Variants in ANOS1 observed in about 807,000 individuals in gnomAD.
ANOS1 encodes the protein anosmin-1.
Under a neutral mutation model 59.0 loss-of-function variants are expected in ANOS1, and 6 were observed. That is an observed-to-expected ratio of 0.10 (90% CI 0.06 to 0.20). The LOEUF (loss-of-function observed/expected upper bound fraction) is 0.20, where lower values mean the gene tolerates loss of function less well. Among genes scored for constraint, ANOS1 ranks in the 10% least tolerant of loss-of-function variants. The pLI is 1.00. For missense variants in ANOS1, 433 were observed against 542.3 expected (o/e 0.80, Z 2.00); for synonymous variants, 217 against 223.4 (o/e 0.97, Z 0.25).
intron 2 of ANOS1, among the ~76,000 whole-genome samples, chrX:8,679,793 C>T (rs887912364): frequency 1.8e-5 from 2 of 111,348 alleles, no homozygotes; most frequent in African/African-American, 6.5e-5. Context: ...CGCGGTGGCT[C>T]ACCAGTTGCA....
At chrX:8,725,212 G>C (rs1224304197) in intron 1 of ANOS1, among the ~76,000 whole-genome samples, 1 of 110,970 alleles carries the variant, frequency 9.0e-6, no homozygotes, top group Non-Finnish European at 1.9e-5. Context: ...AAAATGGTAT[G>C]AGAGTCAGGT....
chrX:8,654,851 G>GA (rs1452575929), intron 2 of ANOS1, among the ~76,000 whole-genome samples: 1 of 111,453 alleles, frequency 9.0e-6, no homozygotes, highest in African/African-American at 3.3e-5. Context: ...TCAAATGGTT[G>GA]AAAAAAAATA....
chrX:8,724,461 G>A (rs764171080), intron 1 of ANOS1, among the ~76,000 whole-genome samples: 3 of 112,455 alleles, frequency 2.7e-5, no homozygotes, highest in South Asian at 3.7e-4. Flanking sequence ...GATCCCATGC[G>A]ATGCTTTTGG....
intron 2 of ANOS1, among the ~76,000 whole-genome samples, chrX:8,667,690 C>T (rs1488877431): frequency 1.8e-5 from 2 of 111,058 alleles, no homozygotes; most frequent in African/African-American, 3.3e-5. Flanking sequence ...TATCATCAGC[C>T]GTATGGGGGT....
chrX:8,659,185 C>T (rs1931984138), intron 2 of ANOS1, among the ~76,000 whole-genome samples: 2 of 109,248 alleles, frequency 1.8e-5, no homozygotes, highest in African/African-American at 6.7e-5. Context: ...CAAGATCGTG[C>T]CATTGCACTC....
intron 2 of ANOS1, among the ~76,000 whole-genome samples, chrX:8,659,158 C>T (rs1168306972): frequency 1.1e-4 from 12 of 109,209 alleles, no homozygotes; most frequent in African/African-American, 3.3e-4. Flanking sequence ...ACCCGGGAGG[C>T]GGAGGTTGCA....
chrX:8,651,148 G>A (rs988427686), intron 2 of ANOS1, among the ~76,000 whole-genome samples: 9 of 112,160 alleles, frequency 8.0e-5, no homozygotes, highest in Non-Finnish European at 1.5e-4. Context: ...CGCTGAGGGC[G>A]GCCAAGCCAC....
intron 4 of ANOS1, among the ~76,000 whole-genome samples, chrX:8,594,697 T>TATACAC (rs1247233512): frequency 2.7e-4 from 5 of 18,553 alleles, no homozygotes; most frequent in East Asian, 1.5e-3. Context: ...TATATATATA[T>TATACAC]ACACATATAT....
rs1931220078 is a variant in ANOS1 at position 8,618,768 on chromosome X, G to A, written c.318+4840C>T. Among the ~76,000 whole-genome samples the A allele has an allele frequency of 3.6e-5, 4 of 112,125 alleles. No individual in the cohort carries two copies. In the Admixed American group the frequency reaches 3.8e-4, roughly 11 times the overall value. On this transcript the variant is annotated intron_variant, in intron 3 of 13. Coordinates refer to ENST00000262648, the MANE Select transcript of ANOS1 (RefSeq NM_000216.4). ...AAAAAAAGTTTGTCATGGTTTTTAA[G>A]ATTTTTGAAAATAAGAGAACAGGCC...
chrX:8,595,472 A>G (rs1305109827), intron 4 of ANOS1, among the ~76,000 whole-genome samples: 1 of 111,617 alleles, frequency 9.0e-6, no homozygotes, highest in Non-Finnish European at 1.9e-5. Context: ...ATTTCAGAGG[A>G]AAGTATTCCC....
At chrX:8,685,510 G>A (rs1437130753) in intron 2 of ANOS1, among the ~76,000 whole-genome samples, 1 of 100,889 alleles carries the variant, frequency 9.9e-6, no homozygotes. Flanking sequence ...AAGAGAAAGA[G>A]AAAGAAAGAG....
chrX:8,633,350 A>G (rs975249249), intron 2 of ANOS1, among the ~76,000 whole-genome samples: 2 of 111,901 alleles, frequency 1.8e-5, no homozygotes, highest in East Asian at 2.8e-4. Flanking sequence ...TAGAAACTAC[A>G]TAAGTAAATG....
intron 1 of ANOS1, among the ~76,000 whole-genome samples, chrX:8,710,958 G>A (rs1932809133): frequency 8.9e-6 from 1 of 112,170 alleles, no homozygotes; most frequent in Non-Finnish European, 1.9e-5. Flanking sequence ...ATACTCAAGG[G>A]CAGGACCAAG....
intron 1 of ANOS1, among the ~76,000 whole-genome samples, chrX:8,730,590 C>CTA (rs1932964902): frequency 1.7e-4 from 14 of 81,172 alleles, no homozygotes; most frequent in African/African-American, 6.3e-4. Context: ...ACCCCCCCCC[C>CTA]CACCCCTTGA....
At chrX:8,677,930 A>G (rs1330695062) in intron 2 of ANOS1, among the ~76,000 whole-genome samples, 4 of 111,215 alleles carry the variant, frequency 3.6e-5, no homozygotes, top group Non-Finnish European at 7.5e-5. Context: ...AGATGAACAG[A>G]TATCGATGGG....
intron 6 of ANOS1, among the ~76,000 whole-genome samples, chrX:8,583,132 T>C (rs1472129506): frequency 9.1e-6 from 1 of 109,698 alleles, no homozygotes; most frequent in Admixed American, 9.7e-5. Context: ...CTTTTTTTTT[T>C]TTTTTCCCAA....
At chrX:8,580,864 C>T (rs1930408889) in intron 6 of ANOS1, among the ~76,000 whole-genome samples, 1 of 111,647 alleles carries the variant, frequency 9.0e-6, no homozygotes, top group Admixed American at 9.5e-5. Flanking sequence ...TGTCTCTCTA[C>T]CCAAACCAAA....
intron 6 of ANOS1, among the ~76,000 whole-genome samples, chrX:8,574,303 CAAA>C (rs377507452): frequency 6.2e-5 from 5 of 80,050 alleles, no homozygotes; most frequent in African/African-American, 2.2e-4. Context: ...CTCCATTTAC[CAAA>C]AAAAAAAAAA....
chrX:8,729,337 C>T (rs1420376993), intron 1 of ANOS1, among the ~76,000 whole-genome samples: 5 of 106,564 alleles, frequency 4.7e-5, no homozygotes, highest in Non-Finnish European at 7.7e-5. Context: ...CTTCTTAAGA[C>T]TTCCCGTAGC....
Sources: gnomAD v4.1 joint callset for allele counts (sites outside exome capture counted in the v4.1 genomes callset) on GRCh38, gnomAD v4.1.1 for gene constraint, MANE v1.5 for transcripts, NCBI Gene and HGNC (gene_info 2026-07-23, HGNC 2026-07-21) for gene names.